The following NRG3 variants were observed in gnomAD, a reference collection of about 807,000 sequenced individuals.
The protein encoded by NRG3 is pro-neuregulin-3, membrane-bound isoform.
In NRG3, 31 loss-of-function variants were observed where a neutral mutation model predicts 66.9. The observed-to-expected ratio is 0.46, with a 90% confidence interval of 0.35 to 0.63. NRG3 has a LOEUF of 0.63. Ranked by LOEUF, NRG3 falls within the 20% of genes least tolerant of loss-of-function variation. The pLI is 0.00. For missense variants in NRG3, 910 were observed against 878.9 expected (o/e 1.04, Z -0.45); for synonymous variants, 393 against 359.4 (o/e 1.09, Z -1.06).
At chr10:82,173,321 G>T (rs936798206) in intron 1 of NRG3, among the ~76,000 whole-genome samples, 5 of 151,478 alleles carry the variant, frequency 3.3e-5, no homozygotes, top group Admixed American at 1.3e-4. Flanking sequence ...TTTTACATTA[G>T]CTGTGAAAGG....
At chr10:82,021,725 A>T (rs946975137) in intron 1 of NRG3, among the ~76,000 whole-genome samples, 2 of 151,520 alleles carry the variant, frequency 1.3e-5, no homozygotes, top group African/African-American at 4.9e-5. Context: ...CAGGAAGATA[A>T]TTTTATATCA....
intron 2 of NRG3, among the ~76,000 whole-genome samples, chr10:82,677,803 G>A (rs2053823501): frequency 6.6e-6 from 1 of 152,186 alleles, no homozygotes; most frequent in African/African-American, 2.4e-5. Context: ...ACTTGGAAGG[G>A]GGCCAAGTGG....
chr10:82,848,646 T>G (rs1450577029), intron 3 of NRG3, among the ~76,000 whole-genome samples: 4 of 152,066 alleles, frequency 2.6e-5, no homozygotes, highest in Admixed American at 2.6e-4. Flanking sequence ...GGAAGGGTGG[T>G]AGGCAGAATG....
chr10:82,183,869 G>A (rs1281520582), intron 1 of NRG3, among the ~76,000 whole-genome samples: 1 of 152,110 alleles, frequency 6.6e-6, no homozygotes, highest in Non-Finnish European at 1.5e-5. Flanking sequence ...TGAGGAAGAT[G>A]GTTATCTCCT....
intron 1 of NRG3, among the ~76,000 whole-genome samples, chr10:82,351,506 G>A (rs562268831): frequency 6.6e-6 from 1 of 152,278 alleles, no homozygotes; most frequent in African/African-American, 2.4e-5. Flanking sequence ...GATAGAATCA[G>A]TCTGTTAGCT....
At chr10:82,708,810 C>T (rs2056479159) in intron 2 of NRG3, among the ~76,000 whole-genome samples, 1 of 152,106 alleles carries the variant, frequency 6.6e-6, no homozygotes, top group Non-Finnish European at 1.5e-5. Context: ...TTATAAGATA[C>T]ATTTTCTTCC....
At chr10:82,128,340 T>G (rs1274171679) in intron 1 of NRG3, among the ~76,000 whole-genome samples, 2 of 152,172 alleles carry the variant, frequency 1.3e-5, no homozygotes, top group Non-Finnish European at 2.9e-5. Flanking sequence ...AGATCTCACC[T>G]TAAAAATGTT....
chr10:82,003,986 AAAACACAC>A (rs1394431268), intron 1 of NRG3, among the ~76,000 whole-genome samples: 4 of 116,224 alleles, frequency 3.4e-5, no homozygotes, highest in African/African-American at 1.8e-4. Context: ...TACCTGACTG[AAAACACAC>A]ACACACACAC....
chr10:82,210,097 G>A (rs1417475167), intron 1 of NRG3, among the ~76,000 whole-genome samples: 1 of 152,150 alleles, frequency 6.6e-6, no homozygotes, highest in Admixed American at 6.6e-5. Flanking sequence ...GTAACAGGGA[G>A]AAAGTTGAAA....
chr10:82,826,087 A>G (rs925160547), intron 3 of NRG3, among the ~76,000 whole-genome samples: 2 of 152,104 alleles, frequency 1.3e-5, no homozygotes, highest in African/African-American at 2.4e-5. Context: ...GGAATTGAAG[A>G]TTTTTGCATT....
intron 2 of NRG3, among the ~76,000 whole-genome samples, chr10:82,576,894 A>G (rs1056856721): frequency 2.6e-5 from 4 of 151,786 alleles, no homozygotes; most frequent in African/African-American, 4.8e-5. Flanking sequence ...GCTGCTGCTC[A>G]GGAATTTGCT....
At chr10:82,659,243 T>C (rs17095408) in intron 2 of NRG3, among the ~76,000 whole-genome samples, 19,617 of 152,290 alleles carry the variant, frequency 0.13, 1,388 homozygotes, top group East Asian at 0.23. Context: ...ATTAAAATAT[T>C]TCACAGAAAA....
chr10:82,954,639 G>C (rs78540870), intron 5 of NRG3, among the ~76,000 whole-genome samples: 1 of 151,858 alleles, frequency 6.6e-6, no homozygotes, highest in Non-Finnish European at 1.5e-5. Context: ...TTAGCTATAT[G>C]TTCCTCATTA....
intron 1 of NRG3, among the ~76,000 whole-genome samples, chr10:81,880,312 A>C (rs1028324808): frequency 3.3e-5 from 5 of 151,996 alleles, no homozygotes; most frequent in South Asian, 2.1e-4. Flanking sequence ...GAGGGATAGG[A>C]GGTGTTGTTA....
chr10:82,138,069 A>G (rs913764795), intron 1 of NRG3, among the ~76,000 whole-genome samples: 2 of 152,226 alleles, frequency 1.3e-5, no homozygotes, highest in East Asian at 1.9e-4. Context: ...ATTGCCCTCT[A>G]TAGCTGAAGA....
chr10:82,840,300 A>C (rs566505840), intron 3 of NRG3, among the ~76,000 whole-genome samples: 1 of 152,126 alleles, frequency 6.6e-6, no homozygotes, highest in Non-Finnish European at 1.5e-5. Flanking sequence ...ACGTTGGTGG[A>C]CTATTAATAG....
At chr10:82,221,063 A>T (rs1430212464) in intron 1 of NRG3, among the ~76,000 whole-genome samples, 1 of 152,218 alleles carries the variant, frequency 6.6e-6, no homozygotes, top group Non-Finnish European at 1.5e-5. Flanking sequence ...GTGGTTTAAA[A>T]ATAAGTAGGC....
chr10:82,478,231 CTTTTTTTTTTTTT>C lies in NRG3; in HGVS notation c.953+119379_953+119391del, dbSNP rs1210990084. Among the ~76,000 whole-genome samples, 29 of 18,148 alleles carry C rather than the reference CTTTTTTTTTTTTT, an allele frequency of 1.6e-3. 3 individuals are homozygous for C. Among genetic ancestry groups the C allele is most frequent in the African/African-American group, 2.8e-3 (23 of 8,094 alleles). 11.9% of individuals were successfully genotyped at this position (18,148 alleles called of 152,430 possible). A position where few individuals can be genotyped will look rare whatever the true frequency, so the allele number is the denominator to read the frequency against. ...ATGCTGAGTGTTGGCTTGTGTCACT[CTTTTTTTTTTTTT>C]TTTTTTTTTTTTTTTAATTTATTTT... On this transcript the variant is annotated intron_variant, in intron 2 of 8. Coordinates refer to ENST00000372141, the MANE Select transcript of NRG3 (RefSeq NM_001010848.4).
At chr10:82,628,878 C>T (rs1304745305) in intron 2 of NRG3, among the ~76,000 whole-genome samples, 1 of 152,022 alleles carries the variant, frequency 6.6e-6, no homozygotes, top group Non-Finnish European at 1.5e-5. Flanking sequence ...AGATCTGGCT[C>T]AATATTAAGA....
Sources: allele counts gnomAD v4.1 joint callset (sites outside exome capture counted in the v4.1 genomes callset), GRCh38; gene constraint gnomAD v4.1.1; transcripts MANE v1.5; gene names NCBI Gene and HGNC (gene_info 2026-07-23, HGNC 2026-07-21).